The following IGF1 variants were observed in gnomAD, a reference collection of about 807,000 sequenced individuals.
IGF1 encodes the protein insulin-like growth factor 1.
IGF1 carries 4 observed loss-of-function variants against 13.8 expected under a neutral mutation model. The ratio of observed to expected loss-of-function variants is 0.29; its 90% CI spans 0.14 to 0.66. The LOEUF (loss-of-function observed/expected upper bound fraction) is 0.66, where lower values mean the gene tolerates loss of function less well. IGF1 is among the 30% of genes least tolerant of loss of function. The pLI is 0.78. For synonymous variants in IGF1, 76 were observed against 72.6 expected, an observed-to-expected ratio of 1.05 and a Z score of -0.23; for missense variants, 124 against 188.5, an observed-to-expected ratio of 0.66 and a Z score of 2.00.
At chr12:102,412,296 GA>G (rs1354735785) in intron 3 of IGF1, among the ~76,000 whole-genome samples, 2 of 152,080 alleles carry the variant, frequency 1.3e-5, no homozygotes, top group Non-Finnish European at 1.5e-5. Flanking sequence ...TACCTTCACT[GA>G]AAGACAATCC....
intron 1 of IGF1, among the ~76,000 whole-genome samples, chr12:102,477,589 C>T (rs1390992364): frequency 6.8e-6 from 1 of 146,436 alleles, no homozygotes; most frequent in Non-Finnish European, 1.5e-5. Flanking sequence ...TCAATATTTC[C>T]ATTGGAAACC....
At chr12:102,447,362 G>A (rs1312827241) in intron 2 of IGF1, among the ~76,000 whole-genome samples, 1 of 152,136 alleles carries the variant, frequency 6.6e-6, no homozygotes, top group African/African-American at 2.4e-5. Flanking sequence ...GGGACTCTAA[G>A]TCTCTTTGTA....
At chr12:102,406,090 C>T (rs1874129587) in intron 3 of IGF1, among the ~76,000 whole-genome samples, 1 of 152,256 alleles carries the variant, frequency 6.6e-6, no homozygotes, top group Non-Finnish European at 1.5e-5. Flanking sequence ...GATTCCCATG[C>T]ACACACGTGC....
intron 2 of IGF1, among the ~76,000 whole-genome samples, chr12:102,428,457 A>G (rs1876428694): frequency 1.3e-5 from 2 of 152,000 alleles, no homozygotes. Context: ...GAAGGAGACA[A>G]GCCCATCCAT....
chr12:102,422,700 A>T (rs1408114840), intron 2 of IGF1, among the ~76,000 whole-genome samples: 2 of 75,652 alleles, frequency 2.6e-5, no homozygotes, highest in Non-Finnish European at 6.4e-5. Context: ...TTCCTATTTG[A>T]GATAGTTATT....
chr12:102,407,297 AT>A (rs1874259450), intron 3 of IGF1, among the ~76,000 whole-genome samples: 1 of 152,172 alleles, frequency 6.6e-6, no homozygotes, highest in South Asian at 2.1e-4. Flanking sequence ...GCTCGCTAAC[AT>A]TTAGTAATGT....
At chr12:102,436,150 A>G (rs1565981023) in intron 2 of IGF1, among the ~76,000 whole-genome samples, 1 of 152,218 alleles carries the variant, frequency 6.6e-6, no homozygotes, top group Non-Finnish European at 1.5e-5. Context: ...CCTTCAAAGT[A>G]ACAAACTGAA....
chr12:102,470,119 C>A (rs938893259), intron 2 of IGF1, among the ~76,000 whole-genome samples: 2 of 152,102 alleles, frequency 1.3e-5, no homozygotes, highest in Non-Finnish European at 2.9e-5. Context: ...GTGTGCCAGG[C>A]AATATTCTAA....
chr12:102,438,552 A>G (rs997778594), intron 2 of IGF1, among the ~76,000 whole-genome samples: 17 of 152,328 alleles, frequency 1.1e-4, no homozygotes, highest in Middle Eastern at 3.4e-3. Flanking sequence ...TTCTCCACAC[A>G]ATAGACCACC....
chr12:102,418,911 C>T (rs1173524134), intron 3 of IGF1, among the ~76,000 whole-genome samples: 1 of 152,160 alleles, frequency 6.6e-6, no homozygotes, highest in Non-Finnish European at 1.5e-5. Context: ...TTTAATGTTT[C>T]ATGTTTAATT....
At chr12:102,450,261 A>C (rs1878797856) in intron 2 of IGF1, among the ~76,000 whole-genome samples, 1 of 152,166 alleles carries the variant, frequency 6.6e-6, no homozygotes, top group African/African-American at 2.4e-5. Flanking sequence ...AAATCTCCCT[A>C]CTTTTATGCG....
At position 102,475,671 on chromosome 12, in the gene IGF1, G is replaced by T; in HGVS notation, c.192C>A (p.Phe64Leu). 1 of 1,614,160 alleles carries T rather than the reference G, an allele frequency of 6.2e-7. No individual in the cohort carries two copies. Among genetic ancestry groups the T allele is most frequent in the South Asian group, 1.1e-5 (1 of 91,046 alleles). The change falls in exon 2 of 4, where the codon TTC becomes TTA. Residue 64 changes from phenylalanine to leucine, a missense_variant. This residue lies in a region of IGF1 where 99 missense variants were observed against 171.4 expected (regional missense o/e 0.58). Coordinates refer to ENST00000337514, the MANE Select transcript of IGF1 (RefSeq NM_000618.5). ...AATAAAAGCCCCTGTCTCCACACACGAACTGAAGAGCATCCACCAGCTCAG... is the reference window on the plus strand; with the variant it reads ...AATAAAAGCCCCTGTCTCCACACACTAACTGAAGAGCATCCACCAGCTCAG... ...CGAELVDALQ[F>L]VCGDRGFYFN...
chr12:102,462,293 C>G (rs1879962411), intron 2 of IGF1, among the ~76,000 whole-genome samples: 1 of 152,152 alleles, frequency 6.6e-6, no homozygotes, highest in African/African-American at 2.4e-5. Context: ...AAGAGATAGA[C>G]TTTTCTGTTC....
At chr12:102,460,109 T>C (rs930201114) in intron 2 of IGF1, among the ~76,000 whole-genome samples, 3 of 152,186 alleles carry the variant, frequency 2.0e-5, no homozygotes, top group African/African-American at 7.2e-5. Context: ...CCATGCTGGA[T>C]TGCACCATTT....
At chr12:102,470,337 G>A (rs547522495) in intron 2 of IGF1, among the ~76,000 whole-genome samples, 1 of 152,282 alleles carries the variant, frequency 6.6e-6, no homozygotes, top group South Asian at 2.1e-4. Flanking sequence ...TCGCTCTCCT[G>A]TTTATAACTC....
At chr12:102,459,176 G>T (rs538296147) in intron 2 of IGF1, among the ~76,000 whole-genome samples, 1 of 152,272 alleles carries the variant, frequency 6.6e-6, no homozygotes, top group South Asian at 2.1e-4. Context: ...CTTACAGATT[G>T]CCAGTTTGTG....
chr12:102,417,955 C>T (rs1218506999), intron 3 of IGF1: 1 of 1,613,574 alleles, frequency 6.2e-7, no homozygotes, highest in African/African-American at 1.3e-5. Flanking sequence ...TTTGGCCAAC[C>T]TTTCCTTCTC....
At chr12:102,466,207 C>T (rs1033940694) in intron 2 of IGF1, among the ~76,000 whole-genome samples, 1 of 152,176 alleles carries the variant, frequency 6.6e-6, no homozygotes, top group Non-Finnish European at 1.5e-5. Context: ...CACAATGACT[C>T]TTCTCATGGC....
At chr12:102,417,284 G>A (rs947010111) in intron 3 of IGF1, among the ~76,000 whole-genome samples, 9 of 152,140 alleles carry the variant, frequency 5.9e-5, no homozygotes, top group African/African-American at 2.2e-4. Flanking sequence ...AGGCAATACC[G>A]GATGCCCTTT....
Sources: gnomAD v4.1 joint callset for allele counts (sites outside exome capture counted in the v4.1 genomes callset) on GRCh38, gnomAD v4.1.1 for gene constraint, gnomAD v4.1.1 regional missense constraint, MANE v1.5 for transcripts, NCBI Gene and HGNC (gene_info 2026-07-23, HGNC 2026-07-21) for gene names.